CFAP53: variants seen among roughly 807,000 people sequenced by gnomAD.
CFAP53 encodes the protein cilia and flagella associated protein 53, also known as cilia- and flagella-associated protein 53.
In CFAP53, 62 loss-of-function variants were observed where a neutral mutation model predicts 59.7. That is an observed-to-expected ratio of 1.04 (90% CI 0.85 to 1.28). The LOEUF is 1.28. CFAP53 is among the 50% of genes most tolerant of loss of function. CFAP53 has a pLI of 0.00. For missense variants in CFAP53, 629 were observed against 615.6 expected (o/e 1.02, Z -0.23); for synonymous variants, 218 against 205.7 (o/e 1.06, Z -0.51).
At chr18:50,240,227 C>G (rs561579402) in intron 6 of CFAP53, among the ~76,000 whole-genome samples, 3 of 149,420 alleles carry the variant, frequency 2.0e-5, no homozygotes, top group Non-Finnish European at 4.5e-5. Context: ...TCATTCTGAT[C>G]ACCTGCCCCA....
At chr18:50,258,331 G>A (rs74487518) in intron 3 of CFAP53, among the ~76,000 whole-genome samples, 19 of 152,226 alleles carry the variant, frequency 1.2e-4, no homozygotes, top group African/African-American at 1.7e-4. Context: ...TTTGACAAAG[G>A]AGCCAAGAAC....
chr18:50,241,302 A>G (rs1409283784), intron 6 of CFAP53, among the ~76,000 whole-genome samples: 3 of 152,204 alleles, frequency 2.0e-5, no homozygotes, highest in African/African-American at 4.8e-5. Flanking sequence ...GTCTCCAAAT[A>G]AAGACCCTCC....
At chr18:50,253,898 AC>A (rs1158107702) in intron 3 of CFAP53, among the ~76,000 whole-genome samples, 21 of 152,108 alleles carry the variant, frequency 1.4e-4, no homozygotes, top group African/African-American at 4.8e-4. Context: ...TAATAAAAAC[AC>A]CCCAAAACAA....
intron 5 of CFAP53, among the ~76,000 whole-genome samples, chr18:50,246,488 C>T (rs2033746391): frequency 6.6e-6 from 1 of 152,038 alleles, no homozygotes; most frequent in Admixed American, 6.6e-5. Flanking sequence ...GGATCAAAAG[C>T]CTAAATGTAA....
intron 7 of CFAP53, among the ~76,000 whole-genome samples, chr18:50,236,775 A>G (rs1402536277): frequency 6.6e-6 from 1 of 152,140 alleles, no homozygotes; most frequent in Non-Finnish European, 1.5e-5. Context: ...CTTCAATGAC[A>G]TGAGATGTTC....
chr18:50,248,243 T>G (rs1419982094), intron 5 of CFAP53, among the ~76,000 whole-genome samples: 1 of 151,740 alleles, frequency 6.6e-6, no homozygotes, highest in African/African-American at 2.4e-5. Context: ...CATTAGCCAT[T>G]AGGGAAATGT....
chr18:50,244,608 C>A (rs1314601668), intron 5 of CFAP53, among the ~76,000 whole-genome samples: 3 of 152,100 alleles, frequency 2.0e-5, no homozygotes, highest in Admixed American at 2.0e-4. Context: ...ACAGGATGAA[C>A]CTGGTACATC....
chr18:50,233,173 T>C (rs1252660053), intron 7 of CFAP53, among the ~76,000 whole-genome samples: 1 of 152,174 alleles, frequency 6.6e-6, no homozygotes, highest in Admixed American at 6.5e-5. Context: ...TCATTCTTTG[T>C]GGTCTAATTA....
At chr18:50,237,817 T>C (rs564368709) in intron 7 of CFAP53, among the ~76,000 whole-genome samples, 53 of 152,276 alleles carry the variant, frequency 3.5e-4, no homozygotes, top group African/African-American at 1.2e-3. Context: ...AAAGCAGTGG[T>C]ATTTCCCAAA....
At chr18:50,243,148 T>A (rs1432558747) in intron 5 of CFAP53, 32 bp from the exon 6 acceptor site, 3 of 1,539,890 alleles carry the variant, frequency 1.9e-6, no homozygotes, top group Admixed American at 3.4e-5. Context: ...ATTGTTAAAA[T>A]TTTTTGGTGT....
At chr18:50,263,529 A>G (rs2033913323) in intron 1 of CFAP53, among the ~76,000 whole-genome samples, 2 of 152,332 alleles carry the variant, frequency 1.3e-5, no homozygotes, top group South Asian at 4.1e-4. Context: ...ACAGAAGATG[A>G]TGCTGGGGGT....
At chr18:50,246,919 G>C (rs1232028739) in intron 5 of CFAP53, among the ~76,000 whole-genome samples, 1 of 151,978 alleles carries the variant, frequency 6.6e-6, no homozygotes, top group Non-Finnish European at 1.5e-5. Context: ...GTGGTGGCAG[G>C]CACCTGTAAT....
At chr18:50,261,300 T>C in intron 2 of CFAP53, 63 bp from the exon 3 acceptor site, 2 of 1,413,486 alleles carry the variant, frequency 1.4e-6, no homozygotes, top group Non-Finnish European at 1.8e-6. Flanking sequence ...TGCATCGTTA[T>C]ATTCAATTTC....
chr18:50,261,398 T>C (rs1483588546), intron 2 of CFAP53, among the ~76,000 whole-genome samples, 161 bp from the exon 3 acceptor site: 1 of 152,082 alleles, frequency 6.6e-6, no homozygotes, highest in Non-Finnish European at 1.5e-5. Context: ...TTGTTTTTGT[T>C]TTTGTTTTTG....
intron 7 of CFAP53, among the ~76,000 whole-genome samples, chr18:50,230,144 T>C (rs577642317): frequency 6.6e-6 from 1 of 152,356 alleles, no homozygotes; most frequent in South Asian, 2.1e-4. Flanking sequence ...TCTTTGTTCC[T>C]AGTTCTTGGC....
At chr18:50,255,290 T>G (rs950890308) in intron 3 of CFAP53, among the ~76,000 whole-genome samples, 7 of 151,982 alleles carry the variant, frequency 4.6e-5, no homozygotes, top group Non-Finnish European at 7.4e-5. Context: ...ATGATGGGGG[T>G]GAGAGTAGTG....
In CFAP53 at chr18:50,227,484, T is replaced by A. The variant is rs760216927; in HGVS notation, c.1442A>T (p.Lys481Met). ...REFEAGVAAN[K>M]MCLDKVQEVL... is the part of the protein sequence containing the mutation. ...CTCCTGGACCTTGTCCAAACACATC[T>A]TGTTTGCTGCTACACCTGCTTCAAA... The change falls in exon 8 of 8, where the codon AAG becomes ATG. Residue 481 changes from lysine (K) to methionine (M), a missense_variant. Physicochemically the swap from Lys to Met is moderately conservative, Grantham distance 95. Coordinates refer to ENST00000398545, the MANE Select transcript of CFAP53 (RefSeq NM_145020.5). 1 of 1,614,174 alleles carries A rather than the reference T, an allele frequency of 6.2e-7. No individual in the cohort carries two copies.
At chr18:50,227,840 C>A (rs139224417) in intron 7 of CFAP53, among the ~76,000 whole-genome samples, 4 of 151,686 alleles carry the variant, frequency 2.6e-5, no homozygotes, top group Non-Finnish European at 4.4e-5. Context: ...CTTCCCTGCT[C>A]GTAATGTTCA....
In CFAP53 at chr18:50,248,630, A is replaced by G. The variant is rs550826946; in HGVS notation, c.996+2128T>C. 2.6e-5 allele frequency among the ~76,000 whole-genome samples: 4 copies of G among 151,740 alleles called. No homozygotes were observed. In the East Asian group the frequency reaches 7.8e-4, roughly 30 times the overall value. On this transcript the variant is annotated intron_variant, in intron 5 of 7. Transcript: ENST00000398545. ...GATATCCCATCTCTACTAAAAATAG[A>G]AAAAATTAGCCAGGCATGGTGGCAC... is the stretch of plus-strand genomic sequence containing the variant.
Sources: gnomAD v4.1 joint callset for allele counts (sites outside exome capture counted in the v4.1 genomes callset) on GRCh38, gnomAD v4.1.1 for gene constraint, MANE v1.5 for transcripts, NCBI Gene and HGNC (gene_info 2026-07-23, HGNC 2026-07-21) for gene names.